PRDM7: variants seen among roughly 807,000 people sequenced by gnomAD.
PRDM7 encodes histone-lysine N-methyltransferase PRDM7.
In PRDM7, 52 loss-of-function variants were observed where a neutral mutation model predicts 64.3. That is an observed-to-expected ratio of 0.81 (90% CI 0.65 to 1.02). The LOEUF (loss-of-function observed/expected upper bound fraction) is 1.02, where lower values mean the gene tolerates loss of function less well. Among genes scored for constraint, PRDM7 ranks in the 50% least tolerant of loss-of-function variants. The probability of loss-of-function intolerance (pLI) is 0.00; values close to 1 mark genes in which losing one functional copy is unlikely to be tolerated. For synonymous variants in PRDM7, 192 were observed against 210.1 expected, an observed-to-expected ratio of 0.91 and a Z score of 0.74; for missense variants, 574 against 597.1, an observed-to-expected ratio of 0.96 and a Z score of 0.40.
At position 90,061,956 on chromosome 16, in the gene PRDM7, C is replaced by T. The variant is rs200333616; in HGVS notation, c.847G>A (p.Asp283Asn). 2 of 1,614,286 alleles carry T rather than the reference C, an allele frequency of 1.2e-6. No homozygotes were observed. Among genetic ancestry groups the T allele is most frequent in the Non-Finnish European group, 1.7e-6 (2 of 1,180,056 alleles). ...TATCCACTGTTGGCTGCCTCTTCGT[C>T]TTCTGTAATTCGGCCCTCATAGGGG... Reference protein sequence around the residue: ...FGPYEGRITEDEEAANSGYSW... With the variant: ...FGPYEGRITENEEAANSGYSW... Residue 283 changes from aspartate (D) to asparagine (N), a missense_variant, in exon 8 of 11, where the codon GAC becomes AAC. Asp to Asn is a conservative substitution (Grantham distance 23, BLOSUM62 1). Transcript: ENST00000449207.
chr16:90,059,972 G>T (rs1438554332), intron 10 of PRDM7, among the ~76,000 whole-genome samples: 1 of 152,204 alleles, frequency 6.6e-6, no homozygotes, highest in African/African-American at 2.4e-5. Flanking sequence ...GATAATGAAT[G>T]AATGAATAAC....
chr16:90,069,410 G>A (rs1010366179), intron 4 of PRDM7, among the ~76,000 whole-genome samples: 1 of 151,274 alleles, frequency 6.6e-6, no homozygotes, highest in African/African-American at 2.5e-5. Flanking sequence ...ACTTCAAGAA[G>A]AAAACACAGA....
In PRDM7 at chr16:90,063,726, C is replaced by A. The variant is rs763574034; in HGVS notation, c.394G>T (p.Glu132Ter). The A allele has an allele frequency of 1.2e-6, 2 of 1,614,236 alleles. No homozygotes were observed. Among genetic ancestry groups the A allele is most frequent in the Non-Finnish European group, 1.7e-6 (2 of 1,180,040 alleles). ...ASFNNESSLR[E>*]LSGTPNLLNT... ...AGTAAATTTGGCGTTCCTGACAATT[C>A]TCTCAAACTAGATTCATTATTGAAT... The change falls in exon 6 of 11, where the codon GAA becomes TAA. Residue 132 changes from glutamate to a stop codon, truncating the protein, a stop_gained. Transcript: ENST00000449207. LOFTEE classifies it high-confidence loss of function.
rs1400881290 is a variant in PRDM7, at chr16:90,061,437, A to T, written c.950+15T>A. 6.4e-7 allele frequency: 1 copy of T among 1,570,620 alleles called. No individual in the cohort carries two copies. The highest frequency in any genetic ancestry group is 1.7e-5 in the Admixed American group (1 of 59,948). On this transcript the variant is annotated intron_variant, in intron 9 of 10. Transcript: ENST00000449207. ...TGGAGGTTCTCTCTGAAACTAAGAG[A>T]CCTAGTGGCCTTACCTCATCCAGTT...
At chr16:90,067,083 G>C (rs1478433403) in intron 4 of PRDM7, among the ~76,000 whole-genome samples, 173 bp from the exon 5 acceptor site, 1 of 151,098 alleles carries the variant, frequency 6.6e-6, no homozygotes, top group Non-Finnish European at 1.5e-5. Flanking sequence ...TCCTGCCTCA[G>C]CCTTGTGAGT....
In PRDM7 at chr16:90,074,994, A is replaced by G. The variant is rs2038015787; in HGVS notation, c.223T>C (p.Cys75Arg). 1 of 1,613,994 alleles carries G rather than the reference A, an allele frequency of 6.2e-7. No homozygotes were observed. The highest frequency in any genetic ancestry group is 8.5e-7 in the Non-Finnish European group (1 of 1,180,026). Residue 75 changes from cysteine (C) to arginine (R), a missense_variant, in exon 4 of 11, where the codon TGT (cysteine) becomes CGT (arginine). Physicochemically the swap from Cys to Arg is radical, Grantham distance 180. Transcript: ENST00000449207. ...GLRATRPAFM[C>R]HRRQAIKLQV... Reference sequence around the variant, plus strand: ...AGTTTGATGGCCTGCCTTCGGTGACACATGAAAGCTGGTCGAGTGGCTCTG... The same window carrying G: ...AGTTTGATGGCCTGCCTTCGGTGACGCATGAAAGCTGGTCGAGTGGCTCTG...
Position 90,075,544 on chromosome 16 carries a change from G to C in PRDM7, c.70-70C>G, listed in dbSNP as rs1402078988. 4.3e-6 allele frequency: 7 copies of C among 1,610,716 alleles called. No homozygotes were observed. The South Asian group carries it at 5.5e-5, about 13-fold the overall frequency. On this transcript the variant is annotated intron_variant, in intron 2 of 10. Transcript: ENST00000449207. The surrounding 1 kb of genome is among the most constrained non-coding windows in gnomAD (Gnocchi z 4.3). ...CGAGCTGGTCCTTTTCCTCTACCCTGCGTGTAGGGCATAGCCTGGGGCCTC... is the reference window on the plus strand; with the variant it reads ...CGAGCTGGTCCTTTTCCTCTACCCTCCGTGTAGGGCATAGCCTGGGGCCTC...
At chr16:90,066,964 G>C in intron 4 of PRDM7, 54 bp from the exon 5 acceptor site, 1 of 1,477,912 alleles carries the variant, frequency 6.8e-7, no homozygotes, top group Non-Finnish European at 9.4e-7. Flanking sequence ...CCAAACTCTA[G>C]AGATTTTTTT....
At chr16:90,070,727 G>A (rs74768667) in intron 4 of PRDM7, among the ~76,000 whole-genome samples, 9,974 of 144,296 alleles carry the variant, frequency 0.069, 580 homozygotes, top group African/African-American at 0.093. Context: ...AGCCCTCACT[G>A]GAACCCAACC....
At chr16:90,071,599 C>T (rs2037956679) in intron 4 of PRDM7, among the ~76,000 whole-genome samples, 1 of 52,704 alleles carries the variant, frequency 1.9e-5, no homozygotes, top group South Asian at 7.5e-4. Context: ...GGGCCCAACT[C>T]ATCCTTTTCA....
At chr16:90,073,051 T>G (rs2037984340) in intron 4 of PRDM7, among the ~76,000 whole-genome samples, 1 of 152,184 alleles carries the variant, frequency 6.6e-6, no homozygotes, top group Admixed American at 6.5e-5. Context: ...GCACTTCTAT[T>G]TTATAATTAT....
At chr16:90,068,235 T>A (rs1355878290) in intron 4 of PRDM7, among the ~76,000 whole-genome samples, 1 of 150,236 alleles carries the variant, frequency 6.7e-6, no homozygotes, top group Non-Finnish European at 1.5e-5. Flanking sequence ...ACCGAGATCA[T>A]GCTACTGCAC....
At chr16:90,069,304 A>G (rs1326238805) in intron 4 of PRDM7, among the ~76,000 whole-genome samples, 3 of 151,382 alleles carry the variant, frequency 2.0e-5, no homozygotes, top group Non-Finnish European at 2.9e-5. Flanking sequence ...CTGGATATAC[A>G]TATGCAAAAG....
intron 8 of PRDM7, 127 bp from the exon 9 acceptor site, chr16:90,061,646 G>GCA: frequency 8.2e-7 from 1 of 1,212,510 alleles, no homozygotes; most frequent in Non-Finnish European, 1.2e-6. Flanking sequence ...CACATGGCAT[G>GCA]CACCTTAGTC....
chr16:90,065,762 TAAC>T (rs1240362157), intron 5 of PRDM7, among the ~76,000 whole-genome samples: 1 of 151,218 alleles, frequency 6.6e-6, no homozygotes, highest in Non-Finnish European at 1.5e-5. Context: ...TGTAGAAAAA[TAAC>T]AAACGAAAAT....
chr16:90,066,751 C>T (rs1347766061), intron 5 of PRDM7, 110 bp downstream of exon 5: 3 of 970,638 alleles, frequency 3.1e-6, no homozygotes, highest in Non-Finnish European at 4.8e-6. Context: ...CTAAAGAGAT[C>T]AGGAGAGGAA....
Position 90,075,904 on chromosome 16 carries a change from G to A in PRDM7, c.7C>T (p.Pro3Ser), listed in dbSNP as rs1382973184. The A allele has an allele frequency of 1.2e-6, 2 of 1,613,858 alleles. No homozygotes were observed. Among genetic ancestry groups the A allele is most frequent in the South Asian group, 1.1e-5 (1 of 90,988 alleles). Reference sequence around the variant, plus strand: ...GGGCTCTCCTCTTGGGACCTTTCAGGGCTCATGGTGCTGGGACTGTCTAGA... The same window carrying A: ...GGGCTCTCCTCTTGGGACCTTTCAGAGCTCATGGTGCTGGGACTGTCTAGA... The part of the protein sequence containing the change: MS[P>S]ERSQEESPEG... Residue 3 changes from proline to serine, a missense_variant, in exon 2 of 11, where the codon CCT (proline) becomes TCT (serine). Coordinates refer to ENST00000449207, the MANE Select transcript of PRDM7 (RefSeq NM_001098173.2). The surrounding 1 kb of genome is among the most constrained non-coding windows in gnomAD (Gnocchi z 4.3).
At chr16:90,059,653 C>CCTCACACTGACCCCCAGGT (rs2037737325) in intron 10 of PRDM7, among the ~76,000 whole-genome samples, 1 of 152,238 alleles carries the variant, frequency 6.6e-6, no homozygotes, top group Non-Finnish European at 1.5e-5. Context: ...TCTACTGTCA[C>CCTCACACTGACCCCCAGGT]CTCACACTGA....
At position 90,062,477 on chromosome 16, in the gene PRDM7, T is replaced by G; in HGVS notation, c.534A>C (p.Gly178=). 1 of 1,614,130 alleles carries G rather than the reference T, an allele frequency of 6.2e-7. No individual in the cohort carries two copies. Among genetic ancestry groups the G allele is most frequent in the Middle Eastern group, 1.6e-4 (1 of 6,062 alleles). The change falls in exon 7 of 11, where the codon GGA becomes GGC. Residue 178 remains glycine, a synonymous_variant. Coordinates refer to ENST00000449207, the MANE Select transcript of PRDM7 (RefSeq NM_001098173.2). ...KLELRRKETE[G]KMYSLRERKG... The stretch of plus-strand genomic sequence containing the variant: ...TTCTTTCTCGCAGGCTATACATCTT[T>G]CCTTCAGTCTCCTTCCTCCTGAGTT...
Sources: gnomAD v4.1 joint callset for allele counts (sites outside exome capture counted in the v4.1 genomes callset) on GRCh38, gnomAD v4.1.1 for gene constraint, Gnocchi (gnomAD v3.1) non-coding constraint, MANE v1.5 for transcripts, NCBI Gene and HGNC (gene_info 2026-07-23, HGNC 2026-07-21) for gene names.